The following GSDMC variants were observed in gnomAD, a reference collection of about 807,000 sequenced individuals.
GSDMC encodes gasdermin-C.
GSDMC carries 59 observed loss-of-function variants against 58.0 expected under a neutral mutation model. The observed-to-expected ratio is 1.02, with a 90% CI of 0.82 to 1.26. The LOEUF (loss-of-function observed/expected upper bound fraction) is 1.26. GSDMC is among the 50% of genes most tolerant of loss of function. GSDMC has a pLI of 0.00. For synonymous variants in GSDMC, 241 were observed against 220.2 expected, an observed-to-expected ratio of 1.09 and a Z score of -0.83; for missense variants, 659 against 598.5, an observed-to-expected ratio of 1.10 and a Z score of -1.06.
At chr8:129,780,370 T>C (rs1297692730) in intron 1 of GSDMC, among the ~76,000 whole-genome samples, 1 of 151,988 alleles carries the variant, frequency 6.6e-6, no homozygotes, top group Non-Finnish European at 1.5e-5. Flanking sequence ...ATATCAAGTA[T>C]AAAGTAAGAA....
Position 129,765,614 on chromosome 8 carries a change from G to T in GSDMC, c.570+14C>A. ...TTTTTTGAATTTCAATCCCACTTCA[G>T]GACAACTTTATACCTTGCCATAGGT... On this transcript the variant is annotated intron_variant, in intron 4 of 13. Coordinates refer to ENST00000276708, the MANE Select transcript of GSDMC (RefSeq NM_031415.3). 2 of 1,606,316 alleles carry T rather than the reference G, an allele frequency of 1.2e-6. No homozygotes were observed. Among genetic ancestry groups the T allele is most frequent in the South Asian group, 1.1e-5 (1 of 90,744 alleles).
At chr8:129,774,691 A>G (rs2034167038) in intron 3 of GSDMC, among the ~76,000 whole-genome samples, 1 of 152,140 alleles carries the variant, frequency 6.6e-6, no homozygotes, top group African/African-American at 2.4e-5. Flanking sequence ...TATCTAAAAT[A>G]TATAAGGAAC....
At chr8:129,750,737 G>A (rs1364385118) in intron 10 of GSDMC, among the ~76,000 whole-genome samples, 167 bp from the exon 11 acceptor site, 2 of 152,208 alleles carry the variant, frequency 1.3e-5, no homozygotes, top group African/African-American at 4.8e-5. Context: ...TGTGGATAGA[G>A]CTGGCATAAG....
chr8:129,756,042 A>G (rs989129543), intron 6 of GSDMC, among the ~76,000 whole-genome samples: 8 of 152,024 alleles, frequency 5.3e-5, no homozygotes, highest in African/African-American at 1.7e-4. Flanking sequence ...TCATCAATCA[A>G]AAGATGAAGA....
At chr8:129,749,593 C>T in intron 12 of GSDMC, 68 bp from the exon 13 acceptor site, 1 of 1,135,712 alleles carries the variant, frequency 8.8e-7, no homozygotes, top group Non-Finnish European at 1.3e-6. Context: ...CACCATAAAG[C>T]AGGAGACCCC....
chr8:129,741,854 A>T, the GSDMC span, among the ~76,000 whole-genome samples: 1 of 150,904 alleles, frequency 6.6e-6, no homozygotes, highest in Non-Finnish European at 1.5e-5. Flanking sequence ...TTGATGTATT[A>T]TTTACAATAG....
chr8:129,730,028 G>T, the GSDMC span: 1 of 1,333,694 alleles, frequency 7.5e-7, no homozygotes, highest in South Asian at 1.3e-5. Context: ...GAAAAAGGAT[G>T]AGAAGGAAAA....
chr8:129,766,075 A>G (rs150761254), intron 3 of GSDMC, among the ~76,000 whole-genome samples: 12 of 152,336 alleles, frequency 7.9e-5, no homozygotes, highest in African/African-American at 2.2e-4. Context: ...GGTAACTTAT[A>G]GAATTTTAGC....
intron 6 of GSDMC, among the ~76,000 whole-genome samples, chr8:129,757,180 G>A (rs550332042): frequency 1.3e-5 from 2 of 151,408 alleles, no homozygotes; most frequent in East Asian, 1.9e-4. Context: ...AAAAAAAAAT[G>A]GAGAGGACGC....
intron 1 of GSDMC, among the ~76,000 whole-genome samples, chr8:129,781,563 T>G (rs777821696): frequency 1.3e-5 from 2 of 151,984 alleles, no homozygotes; most frequent in Non-Finnish European, 2.9e-5. Flanking sequence ...GCTAACACGG[T>G]GAAACCCTGT....
chr8:129,771,989 G>A (rs2130515029), intron 3 of GSDMC, among the ~76,000 whole-genome samples: 1 of 152,258 alleles, frequency 6.6e-6, no homozygotes, highest in Non-Finnish European at 1.5e-5. Flanking sequence ...AACAGGCCAG[G>A]CGCAGTGGCT....
the GSDMC span, among the ~76,000 whole-genome samples, chr8:129,724,644 T>C: frequency 8.6e-5 from 13 of 151,884 alleles, no homozygotes; most frequent in Non-Finnish European, 1.5e-4. Context: ...TAGAAAACTA[T>C]ATATGTTCAC....
chr8:129,749,755 C>T (rs1482786138), intron 12 of GSDMC, among the ~76,000 whole-genome samples: 1 of 152,182 alleles, frequency 6.6e-6, no homozygotes, highest in Non-Finnish European at 1.5e-5. Flanking sequence ...GAATCACCCA[C>T]CTCCAATGAT....
chr8:129,779,438 C>T (rs1255463328), intron 1 of GSDMC, among the ~76,000 whole-genome samples: 1 of 152,050 alleles, frequency 6.6e-6, no homozygotes, highest in African/African-American at 2.4e-5. Flanking sequence ...CCAACACACA[C>T]TGGGGCCTAC....
At chr8:129,736,353 C>A in the GSDMC span, among the ~76,000 whole-genome samples, 8 of 152,290 alleles carry the variant, frequency 5.3e-5, no homozygotes, top group African/African-American at 1.7e-4. Flanking sequence ...GAATTTTAGA[C>A]CAATATCCCT....
At chr8:129,773,391 A>T (rs1234230704) in intron 3 of GSDMC, among the ~76,000 whole-genome samples, 3 of 152,264 alleles carry the variant, frequency 2.0e-5, no homozygotes, top group Non-Finnish European at 4.4e-5. Flanking sequence ...CATTTAAAAA[A>T]TGTTAGAATT....
At chr8:129,720,781 A>C in the GSDMC span, among the ~76,000 whole-genome samples, 1 of 152,248 alleles carries the variant, frequency 6.6e-6, no homozygotes, top group East Asian at 1.9e-4. Flanking sequence ...TCATCACAAC[A>C]AATCTTAGTG....
chr8:129,707,140 A>C, the GSDMC span: 1 of 152,092 alleles, frequency 6.6e-6, no homozygotes, highest in Non-Finnish European at 1.5e-5. Context: ...GGATGAAGTG[A>C]TCAGATGGAA....
At chr8:129,751,779 G>T in intron 9 of GSDMC, 83 bp downstream of exon 9, 1 of 1,412,760 alleles carries the variant, frequency 7.1e-7, no homozygotes, top group Non-Finnish European at 1.0e-6. Context: ...GGTGGCAAAG[G>T]CGAGGCAGGG....
Sources: allele counts gnomAD v4.1 joint callset (sites outside exome capture counted in the v4.1 genomes callset), GRCh38; gene constraint gnomAD v4.1.1; transcripts MANE v1.5; gene names NCBI Gene and HGNC (gene_info 2026-07-23, HGNC 2026-07-21).